RGSL1: variants seen among roughly 807,000 people sequenced by gnomAD.
RGSL1 encodes regulator of G protein signaling like 1, also known as regulator of G protein signaling protein-like.
Under a neutral mutation model 124.7 loss-of-function variants are expected in RGSL1, and 97 were observed. The observed-to-expected ratio is 0.78, with a 90% confidence interval of 0.66 to 0.92. RGSL1 has a LOEUF of 0.92. RGSL1 is among the 40% of genes least tolerant of loss of function. The probability of loss-of-function intolerance (pLI) is 0.00; values close to 1 mark genes in which losing one functional copy is unlikely to be tolerated. For synonymous variants in RGSL1, 424 were observed against 438.1 expected (o/e 0.97, Z 0.40); for missense variants, 1,233 against 1,288.4 (o/e 0.96, Z 0.66).
At chr1:182,515,248 G>C (rs1245999432) in intron 9 of RGSL1, among the ~76,000 whole-genome samples, 1 of 152,160 alleles carries the variant, frequency 6.6e-6, no homozygotes, top group Non-Finnish European at 1.5e-5. Context: ...ATGGAGCATG[G>C]TCTCCTTTCA....
intron 9 of RGSL1, among the ~76,000 whole-genome samples, chr1:182,509,284 C>T (rs1382753934): frequency 6.8e-4 from 30 of 44,136 alleles, no homozygotes; most frequent in Non-Finnish European, 1.4e-3. Flanking sequence ...CGCCCCTCAC[C>T]TCCCGGACGG....
chr1:182,458,543 C>G (rs1340411312), intron 3 of RGSL1, 150 bp downstream of exon 3: 1 of 661,810 alleles, frequency 1.5e-6, no homozygotes, highest in African/African-American at 1.8e-5. Flanking sequence ...GATCTTAGCT[C>G]ACTGCAACCT....
intron 9 of RGSL1, among the ~76,000 whole-genome samples, chr1:182,496,615 T>A (rs75634486): frequency 0.021 from 3,201 of 152,332 alleles, 114 homozygotes; most frequent in African/African-American, 0.073. Flanking sequence ...CCATGAGATC[T>A]GTTGTGTTGT....
intron 15 of RGSL1, among the ~76,000 whole-genome samples, chr1:182,546,359 T>A (rs1035113873): frequency 1.4e-5 from 2 of 146,890 alleles, no homozygotes; most frequent in East Asian, 2.0e-4. Flanking sequence ...TTTTTTTTTT[T>A]ATGTTTTAAA....
intron 6 of RGSL1, among the ~76,000 whole-genome samples, chr1:182,485,611 C>G (rs1476144558): frequency 6.6e-6 from 1 of 152,170 alleles, no homozygotes; most frequent in African/African-American, 2.4e-5. Context: ...ATTAGAGATT[C>G]TGTCATCCCT....
At chr1:182,508,665 ACTATTTGT>A (rs1446517710) in intron 9 of RGSL1, among the ~76,000 whole-genome samples, 3 of 49,066 alleles carry the variant, frequency 6.1e-5, no homozygotes, top group Admixed American at 2.1e-4. Context: ...ATACCTATTG[ACTATTTGT>A]TTTTTTTTTT....
intron 9 of RGSL1, among the ~76,000 whole-genome samples, chr1:182,509,770 A>AC (rs1192196019): frequency 3.9e-5 from 4 of 101,350 alleles, no homozygotes; most frequent in Non-Finnish European, 8.2e-5. Flanking sequence ...GGGGGGGCTG[A>AC]CCCCCCACCT....
At position 182,489,217 on chromosome 1, in the gene RGSL1, T is replaced by G. The variant is rs761989084; in HGVS notation, c.1717+15T>G. 1.9e-6 allele frequency: 3 copies of G among 1,544,508 alleles called. No individual in the cohort carries two copies. In the South Asian group the frequency reaches 3.6e-5, roughly 19 times the overall value. On this transcript the variant is annotated intron_variant, in intron 8 of 21. Transcript: ENST00000294854. ...GTTTCTAACAGGTCAGAGCAGTCACTGTAATTTTTTTGACCTTTACATATG... is the reference window on the plus strand; with the variant it reads ...GTTTCTAACAGGTCAGAGCAGTCACGGTAATTTTTTTGACCTTTACATATG...
chr1:182,546,848 T>C (rs918623333), intron 15 of RGSL1, among the ~76,000 whole-genome samples: 12 of 152,206 alleles, frequency 7.9e-5, no homozygotes, highest in African/African-American at 2.9e-4. Flanking sequence ...ATCTTTACAA[T>C]AGGGAAAGAT....
chr1:182,482,620 C>T (rs1002215775), intron 6 of RGSL1, among the ~76,000 whole-genome samples: 8 of 152,176 alleles, frequency 5.3e-5, no homozygotes, highest in Admixed American at 4.6e-4. Flanking sequence ...TGACACTAAA[C>T]CTGCATACTA....
chr1:182,537,354 G>C (rs1659616630), intron 14 of RGSL1, among the ~76,000 whole-genome samples: 1 of 152,084 alleles, frequency 6.6e-6, no homozygotes, highest in African/African-American at 2.4e-5. Context: ...GTTTAGATTT[G>C]GGGCCCATCC....
At chr1:182,469,562 T>G in intron 4 of RGSL1, among the ~76,000 whole-genome samples, 1 of 152,180 alleles carries the variant, frequency 6.6e-6, no homozygotes, top group East Asian at 1.9e-4. Context: ...TTGGCGGGAC[T>G]GTAAAATGGT....
intron 6 of RGSL1, among the ~76,000 whole-genome samples, chr1:182,486,600 A>G (rs1364576214): frequency 6.6e-6 from 1 of 152,090 alleles, no homozygotes; most frequent in Non-Finnish European, 1.5e-5. Flanking sequence ...TGCCCACGTC[A>G]GTCTCCAAAA....
upstream of RGSL1, among the ~76,000 whole-genome samples, chr1:182,449,491 T>C (rs1651660996): frequency 6.6e-6 from 1 of 152,168 alleles, no homozygotes; most frequent in Admixed American, 6.6e-5. Flanking sequence ...GTTTGAAGGA[T>C]TATAGGGCTT....
At chr1:182,516,982 AT>A (rs1349256035) in intron 9 of RGSL1, among the ~76,000 whole-genome samples, 1 of 151,846 alleles carries the variant, frequency 6.6e-6, no homozygotes, top group Admixed American at 6.6e-5. Flanking sequence ...CTTAAGTTAT[AT>A]TTTTTCATGT....
chr1:182,525,002 A>G (rs1658636446), intron 10 of RGSL1, among the ~76,000 whole-genome samples: 1 of 152,200 alleles, frequency 6.6e-6, no homozygotes, highest in Non-Finnish European at 1.5e-5. Flanking sequence ...AAGAAAAATA[A>G]GAATTAAAAA....
intron 14 of RGSL1, among the ~76,000 whole-genome samples, chr1:182,533,447 T>G (rs1446015635): frequency 6.6e-6 from 1 of 151,480 alleles, no homozygotes; most frequent in Non-Finnish European, 1.5e-5. Flanking sequence ...TAACACACGT[T>G]TTGAGAATCT....
intron 18 of RGSL1, among the ~76,000 whole-genome samples, chr1:182,552,924 G>A (rs1165374247): frequency 2.6e-5 from 4 of 152,128 alleles, no homozygotes; most frequent in African/African-American, 9.7e-5. Context: ...TCAAGATGGA[G>A]TTTTGCTCTT....
chr1:182,516,916 G>A (rs1201258454), intron 9 of RGSL1, among the ~76,000 whole-genome samples: 2 of 152,044 alleles, frequency 1.3e-5, no homozygotes, highest in African/African-American at 4.8e-5. Context: ...GGGTTTGTCT[G>A]TGTACTTAAT....
Sources: allele counts gnomAD v4.1 joint callset (sites outside exome capture counted in the v4.1 genomes callset), GRCh38; gene constraint gnomAD v4.1.1; transcripts MANE v1.5; gene names NCBI Gene and HGNC (gene_info 2026-07-23, HGNC 2026-07-21).